The following RHOD variants were observed in gnomAD, a reference collection of about 807,000 sequenced individuals.
The protein encoded by RHOD is rho-related GTP-binding protein RhoD.
Under a neutral mutation model 16.7 loss-of-function variants are expected in RHOD, and 11 were observed. That is an observed-to-expected ratio of 0.66 (90% CI 0.41 to 1.09). The LOEUF (loss-of-function observed/expected upper bound fraction) is 1.09, where lower values mean the gene tolerates loss of function less well. RHOD is among the 50% of genes least tolerant of loss of function. The pLI is 0.00. For synonymous variants in RHOD, 124 were observed against 126.3 expected (o/e 0.98, Z 0.12); for missense variants, 271 against 291.7 (o/e 0.93, Z 0.52).
intron 3 of RHOD, among the ~76,000 whole-genome samples, chr11:67,067,672 G>A (rs1181606576): frequency 6.6e-6 from 1 of 152,154 alleles, no homozygotes; most frequent in Non-Finnish European, 1.5e-5. Flanking sequence ...GTGGTGCCTG[G>A]GGCCAGGGTG....
intron 3 of RHOD, 74 bp downstream of exon 3, chr11:67,066,921 GCTGA>G (rs1417673644): frequency 2.0e-6 from 2 of 1,004,394 alleles, no homozygotes; most frequent in African/African-American, 3.1e-5. Flanking sequence ...CCTCGACCCA[GCTGA>G]CTGTCAGAGC....
chr11:67,067,662 G>A (rs890843550), intron 3 of RHOD, among the ~76,000 whole-genome samples: 4 of 152,198 alleles, frequency 2.6e-5, no homozygotes, highest in African/African-American at 9.7e-5. Context: ...AGGAGAGATG[G>A]TGGTGCCTGG....
intron 1 of RHOD, among the ~76,000 whole-genome samples, chr11:67,062,788 C>A (rs1051211407): frequency 6.6e-5 from 10 of 152,204 alleles, no homozygotes; most frequent in African/African-American, 2.4e-4. Flanking sequence ...GGATAGGGGC[C>A]CCCCAGACTG....
At chr11:67,063,840 GCT>G (rs1854922399) in intron 1 of RHOD, among the ~76,000 whole-genome samples, 1 of 147,040 alleles carries the variant, frequency 6.8e-6, no homozygotes, top group Non-Finnish European at 1.5e-5. Flanking sequence ...GGGTACAGTG[GCT>G]CATGCCTGTA....
chr11:67,065,607 C>T (rs754451672), intron 1 of RHOD, among the ~76,000 whole-genome samples: 56 of 152,114 alleles, frequency 3.7e-4, no homozygotes, highest in Non-Finnish European at 7.5e-4. Flanking sequence ...GGCCTCAAGG[C>T]CCACCTCAAC....
intron 3 of RHOD, among the ~76,000 whole-genome samples, chr11:67,069,656 G>C (rs866063321): frequency 1.3e-5 from 2 of 151,154 alleles, no homozygotes; most frequent in African/African-American, 4.9e-5. Context: ...CACCGAGCCC[G>C]GCCTGGATTG....
intron 1 of RHOD, among the ~76,000 whole-genome samples, chr11:67,062,535 G>C (rs1854905469): frequency 6.6e-6 from 1 of 152,094 alleles, no homozygotes; most frequent in Non-Finnish European, 1.5e-5. Flanking sequence ...GTCTGGGGTG[G>C]GGCCAGCCCT....
intron 1 of RHOD, 33 bp downstream of exon 1, chr11:67,057,067 C>A: frequency 7.1e-7 from 1 of 1,406,602 alleles, no homozygotes; most frequent in South Asian, 1.6e-5. Flanking sequence ...TCGCCCGGTT[C>A]CGCTCGCGCG....
rs1855017447 is a variant in RHOD, at chr11:67,070,557, A to G, written c.463A>G (p.Arg155Gly). Residue 155 changes from arginine (R) to glycine (G), a missense_variant and splice_region_variant, in exon 4 of 5, where the codon AGG becomes GGG. Coordinates refer to ENST00000308831, the MANE Select transcript of RHOD (RefSeq NM_014578.4). Reference protein sequence around the residue: ...RNGLEPVTYHRGQEMARSVGA... With the variant: ...RNGLEPVTYHGGQEMARSVGA... ...CGGATTGGAGCCTGTGACCTACCACAGGGTAGGAAACCCAGCCCGAGGTGG... is the reference window on the plus strand; with the variant it reads ...CGGATTGGAGCCTGTGACCTACCACGGGGTAGGAAACCCAGCCCGAGGTGG... 6.2e-7 allele frequency: 1 copy of G among 1,614,050 alleles called. No individual in the cohort carries two copies. Among genetic ancestry groups the G allele is most frequent in the Non-Finnish European group, 8.5e-7 (1 of 1,180,012 alleles).
chr11:67,061,697 G>C (rs1854888892), intron 1 of RHOD, among the ~76,000 whole-genome samples: 1 of 101,786 alleles, frequency 9.8e-6, no homozygotes, highest in African/African-American at 4.8e-5. Context: ...TCAGGCCACT[G>C]CACTCCAGCC....
At chr11:67,070,945 G>A (rs1855022071) in intron 4 of RHOD, among the ~76,000 whole-genome samples, 1 of 152,028 alleles carries the variant, frequency 6.6e-6, no homozygotes, top group Non-Finnish European at 1.5e-5. Context: ...TAAAAACAAC[G>A]AAGGCTGGCA....
chr11:67,070,344 G>T lies in RHOD; in HGVS notation c.331-81G>T, dbSNP rs748290438. 3.4e-6 allele frequency: 5 copies of T among 1,451,602 alleles called. No homozygotes were observed. The East Asian group carries it at 9.1e-5, about 27-fold the overall frequency. The allele number at this position is 1,451,602 out of a possible 1,614,324, so 89.9% of individuals were successfully genotyped here. A position where few individuals can be genotyped will look rare whatever the true frequency, so the allele number is the denominator to read the frequency against. ...TCCATATCAGAGCTCAGGCTGGGGA[G>T]CAAGAGAGTGGTCCACTGAGAGGGC... is the stretch of plus-strand genomic sequence containing the variant. On this transcript the variant is annotated intron_variant, in intron 3 of 4. Transcript: ENST00000308831.
chr11:67,056,998 G>A lies in RHOD; in HGVS notation c.96G>A (p.Ser32=). 6.6e-7 allele frequency: 1 copy of A among 1,508,298 alleles called. No individual in the cohort carries two copies. The allele number at this position is 1,508,298 out of a possible 1,614,324, so 93.4% of individuals were successfully genotyped here. Residue 32 remains serine (S), a synonymous_variant, in exon 1 of 5, where the codon TCG becomes TCA. Coordinates refer to ENST00000308831, the MANE Select transcript of RHOD (RefSeq NM_014578.4). ...LVGDGGCGKT[S]LLMVFADGAF... The stretch of plus-strand genomic sequence containing the variant: ...GCGACGGCGGCTGCGGGAAGACGTC[G>A]CTGCTGATGGTCTTCGCCGATGGGG...
chr11:67,059,684 T>C (rs1854862706), intron 1 of RHOD, among the ~76,000 whole-genome samples: 1 of 152,148 alleles, frequency 6.6e-6, no homozygotes, highest in African/African-American at 2.4e-5. Flanking sequence ...TGGGGGCACA[T>C]GGCCCGGCAG....
chr11:67,060,118 G>A (rs1248036478), intron 1 of RHOD, among the ~76,000 whole-genome samples: 1 of 152,196 alleles, frequency 6.6e-6, no homozygotes, highest in Non-Finnish European at 1.5e-5. Flanking sequence ...ACACCAGCAT[G>A]GGGATAGGAG....
rs375849783 is a variant in RHOD at position 67,056,955 on chromosome 11, T to C, written c.53T>C (p.Val18Ala). The change falls in exon 1 of 5, where the codon GTC becomes GCC. Residue 18 changes from valine to alanine, a missense_variant. Coordinates refer to ENST00000308831, the MANE Select transcript of RHOD (RefSeq NM_014578.4). ...GAGGCGCCACCAGGCGTGCGGTCCG[T>C]CAAGGTGGTCCTGGTGGGCGACGGC... ...GEEAPPGVRS[V>A]KVVLVGDGGC... is the part of the protein sequence containing the mutation. 1.1e-4 allele frequency: 165 copies of C among 1,497,390 alleles called. No individual in the cohort carries two copies. Among genetic ancestry groups the C allele is most frequent in the Non-Finnish European group, 1.4e-4 (160 of 1,132,160 alleles). The allele number at this position is 1,497,390 out of a possible 1,614,324, so 92.8% of individuals were successfully genotyped here.
Position 67,070,502 on chromosome 11 carries a change from C to A in RHOD, c.408C>A (p.Asp136Glu), listed in dbSNP as rs766941568. ...VVGCKTDLRK[D>E]KSLVNKLRRN... is the part of the protein sequence containing the mutation. ...GCTGCAAGACTGACCTGCGCAAGGA[C>A]AAATCACTGGTGAACAAGCTCCGAA... Residue 136 changes from aspartate to glutamate, a missense_variant, in exon 4 of 5, where the codon GAC becomes GAA. Coordinates refer to ENST00000308831, the MANE Select transcript of RHOD (RefSeq NM_014578.4). 1 of 1,614,066 alleles carries A rather than the reference C, an allele frequency of 6.2e-7. No individual in the cohort carries two copies. The highest frequency in any genetic ancestry group is 8.5e-7 in the Non-Finnish European group (1 of 1,180,002).
chr11:67,061,824 G>C (rs1590669129), intron 1 of RHOD, among the ~76,000 whole-genome samples: 1 of 136,044 alleles, frequency 7.4e-6, no homozygotes, highest in South Asian at 2.3e-4. Flanking sequence ...ATATATATGT[G>C]TGTGTGTGTG....
intron 4 of RHOD, 101 bp downstream of exon 4, chr11:67,070,660 G>C (rs1358430946): frequency 7.0e-6 from 10 of 1,424,740 alleles, no homozygotes; most frequent in Non-Finnish European, 8.8e-6. Flanking sequence ...CAGGGTGTAG[G>C]TCAGAGCTGC....
Sources: gnomAD v4.1 joint callset for allele counts (sites outside exome capture counted in the v4.1 genomes callset) on GRCh38, gnomAD v4.1.1 for gene constraint, MANE v1.5 for transcripts, NCBI Gene and HGNC (gene_info 2026-07-23, HGNC 2026-07-21) for gene names.